Variants in KIAA0319L observed in about 807,000 individuals in gnomAD.
The protein encoded by KIAA0319L is dyslexia-associated protein KIAA0319-like protein.
A neutral mutation model predicts 120.1 loss-of-function variants in KIAA0319L; 55 were observed. The observed-to-expected ratio is 0.46, with a 90% confidence interval of 0.37 to 0.57. The LOEUF (loss-of-function observed/expected upper bound fraction) is 0.57, where lower values mean the gene tolerates loss of function less well. KIAA0319L is among the 20% of genes least tolerant of loss of function. The pLI is 0.00. For synonymous variants in KIAA0319L, 398 were observed against 471.9 expected (o/e 0.84, Z 2.03); for missense variants, 1,049 against 1,255.3 (o/e 0.84, Z 2.48).
intron 2 of KIAA0319L, among the ~76,000 whole-genome samples, chr1:35,508,168 T>C (rs1337154560): frequency 6.6e-6 from 1 of 152,120 alleles, no homozygotes; most frequent in Non-Finnish European, 1.5e-5. Context: ...ACTTTCAGAG[T>C]CATTCCAGCA....
intron 7 of KIAA0319L, among the ~76,000 whole-genome samples, chr1:35,464,184 T>TAG (rs774846220): frequency 6.2e-4 from 94 of 152,030 alleles, no homozygotes; most frequent in Non-Finnish European, 1.1e-3. Context: ...GGGTAACAGG[T>TAG]AGAGGTTCAA....
intron 3 of KIAA0319L, among the ~76,000 whole-genome samples, chr1:35,498,305 C>T (rs550921245): frequency 2.0e-5 from 3 of 151,648 alleles, no homozygotes; most frequent in Non-Finnish European, 4.4e-5. Flanking sequence ...TACACTCCAG[C>T]CTGGGAAATA....
intron 3 of KIAA0319L, among the ~76,000 whole-genome samples, chr1:35,479,654 C>G (rs1644062018): frequency 6.6e-6 from 1 of 151,936 alleles, no homozygotes; most frequent in South Asian, 2.1e-4. Flanking sequence ...GCCTGTACTC[C>G]CAACACTTTG....
intron 2 of KIAA0319L, among the ~76,000 whole-genome samples, chr1:35,531,355 G>A (rs1037876520): frequency 7.2e-5 from 11 of 152,194 alleles, no homozygotes; most frequent in Admixed American, 6.5e-4. Context: ...CCCAACCAGT[G>A]TCTTGCTGCT....
chr1:35,476,476 A>G (rs1355261653), intron 4 of KIAA0319L, among the ~76,000 whole-genome samples: 1 of 152,216 alleles, frequency 6.6e-6, no homozygotes, highest in Non-Finnish European at 1.5e-5. Flanking sequence ...CAAATATGAA[A>G]CTTGAGATTT....
intron 20 of KIAA0319L, 146 bp from the exon 21 acceptor site, chr1:35,435,227 TTCCCTAG>T: frequency 2.8e-6 from 2 of 703,330 alleles, no homozygotes; most frequent in Non-Finnish European, 4.8e-6. Context: ...GGAAGGAAGC[TTCCCTAG>T]TCCTTCTCCC....
chr1:35,454,347 A>G lies in KIAA0319L; in HGVS notation c.1780+15T>C, dbSNP rs1558313646. On this transcript the variant is annotated intron_variant, in intron 11 of 20. Transcript: ENST00000325722. The stretch of plus-strand genomic sequence containing the variant: ...CCACCAATAGAAGAGCCTGAACCAC[A>G]AGGCTGGAGCTTACCAGGTTGCACA... The G allele has an allele frequency of 6.2e-6, 10 of 1,613,312 alleles. No homozygotes were observed. The highest frequency in any genetic ancestry group is 8.5e-6 in the Non-Finnish European group (10 of 1,179,636).
At chr1:35,485,626 T>C (rs1644358788) in intron 3 of KIAA0319L, among the ~76,000 whole-genome samples, 1 of 152,210 alleles carries the variant, frequency 6.6e-6, no homozygotes, top group Non-Finnish European at 1.5e-5. Flanking sequence ...ATTTAGTTTC[T>C]GGCAGGTCCA....
chr1:35,506,651 G>A lies in KIAA0319L; in HGVS notation c.627C>T (p.Ser209=), dbSNP rs758273812. 6.8e-6 allele frequency: 11 copies of A among 1,613,972 alleles called. No individual in the cohort carries two copies. The highest frequency in any genetic ancestry group is 8.5e-6 in the Non-Finnish European group (10 of 1,179,998). ...TGGTAGTCAGACCACCTAATTCGTT[G>A]GAGTCATTCACTTTAGAATGCTGTG... The part of the protein sequence containing the change: ...IVTQHSKVND[S]NELGGLTTSG... Residue 209 remains serine, a synonymous_variant, in exon 3 of 21, where the codon TCC becomes TCT. Coordinates refer to ENST00000325722, the MANE Select transcript of KIAA0319L (RefSeq NM_024874.5). This position sits in a 1 kb window ranked among gnomAD's most constrained non-coding sequence, Gnocchi z 4.0.
At chr1:35,481,875 A>G (rs6699423) in intron 3 of KIAA0319L, among the ~76,000 whole-genome samples, 21,492 of 124,676 alleles carry the variant, frequency 0.17, 3,238 homozygotes, top group East Asian at 0.55. Flanking sequence ...CCCAGGCTGG[A>G]GTGCAGTGGC....
intron 5 of KIAA0319L, among the ~76,000 whole-genome samples, chr1:35,473,866 C>T (rs1323852216): frequency 6.6e-6 from 1 of 152,184 alleles, no homozygotes; most frequent in Non-Finnish European, 1.5e-5. Flanking sequence ...ATAACATAAA[C>T]CCAACTGGCT....
intron 12 of KIAA0319L, among the ~76,000 whole-genome samples, chr1:35,452,414 G>T (rs1221486861): frequency 6.6e-6 from 1 of 152,202 alleles, no homozygotes; most frequent in East Asian, 1.9e-4. Flanking sequence ...CAACATTCAG[G>T]CTGCACACAG....
chr1:35,459,798 T>C (rs185425393), intron 9 of KIAA0319L, among the ~76,000 whole-genome samples: 1,963 of 152,262 alleles, frequency 0.013, 138 homozygotes, highest in Admixed American at 0.12. Context: ...TTCAAAGCTT[T>C]AGTAATCACT....
intron 8 of KIAA0319L, among the ~76,000 whole-genome samples, chr1:35,461,378 AT>A (rs1570683186): frequency 6.6e-6 from 1 of 152,126 alleles, no homozygotes; most frequent in East Asian, 1.9e-4. Flanking sequence ...AGGCAGGAGA[AT>A]TGCTTGAACC....
intron 9 of KIAA0319L, among the ~76,000 whole-genome samples, chr1:35,459,594 C>T (rs1365267380): frequency 6.8e-6 from 1 of 146,594 alleles, no homozygotes; most frequent in African/African-American, 2.6e-5. Flanking sequence ...AAGACTCTGT[C>T]TCAAAAAAAA....
intron 9 of KIAA0319L, among the ~76,000 whole-genome samples, chr1:35,457,930 GT>G (rs1025687033): frequency 6.6e-6 from 1 of 151,994 alleles, no homozygotes; most frequent in African/African-American, 2.4e-5. Flanking sequence ...ACAGGTTTGG[GT>G]TTTTTTGTTT....
intron 2 of KIAA0319L, among the ~76,000 whole-genome samples, chr1:35,525,833 G>C (rs1486141285): frequency 2.0e-5 from 3 of 152,074 alleles, no homozygotes; most frequent in Non-Finnish European, 4.4e-5. Context: ...AAGCTTTTTA[G>C]CTTAACATAA....
In KIAA0319L at chr1:35,450,528, T is replaced by C. The variant is rs1169764720; in HGVS notation, c.2063-19A>G. ...TTTATTTCTAATCAAAAAGAAATCA[T>C]TGACATAATGTGACATTCTGGAAAA... On this transcript the variant is annotated intron_variant, in intron 13 of 20. Coordinates refer to ENST00000325722, the MANE Select transcript of KIAA0319L (RefSeq NM_024874.5). The C allele has an allele frequency of 8.8e-6, 14 of 1,597,278 alleles. No individual in the cohort carries two copies. The South Asian group carries it at 8.9e-5, about 10-fold the overall frequency.
At position 35,505,794 on chromosome 1, in the gene KIAA0319L, C is replaced by T. The variant is rs1227251169; in HGVS notation, c.666+818G>A. Among the ~76,000 whole-genome samples the T allele has an allele frequency of 2.0e-5, 3 of 152,178 alleles. No homozygotes were observed. In the South Asian group the frequency reaches 6.2e-4, roughly 31 times the overall value. ...CCTCTCTGGGCCTCAGTTTTCTCAC[C>T]AGGTAAACAGGGCTAATAATGCCTA... On this transcript the variant is annotated intron_variant, in intron 3 of 20. Transcript: ENST00000325722.
Sources: gnomAD v4.1 joint callset for allele counts (sites outside exome capture counted in the v4.1 genomes callset) on GRCh38, gnomAD v4.1.1 for gene constraint, Gnocchi (gnomAD v3.1) non-coding constraint, MANE v1.5 for transcripts, NCBI Gene and HGNC (gene_info 2026-07-23, HGNC 2026-07-21) for gene names.